Variants in FHAD1 observed in about 807,000 individuals in gnomAD.
FHAD1 encodes forkhead-associated domain-containing protein 1.
In FHAD1, 146 loss-of-function variants were observed where a neutral mutation model predicts 191.3. That is an observed-to-expected ratio of 0.76 (90% CI 0.67 to 0.88). FHAD1 has a LOEUF of 0.88. FHAD1 is among the 40% of genes least tolerant of loss of function. The pLI, the probability that FHAD1 is intolerant of heterozygous loss-of-function variation, is 0.00. For missense variants in FHAD1, 1,635 were observed against 1,785.8 expected, an observed-to-expected ratio of 0.92 and a Z score of 1.52; for synonymous variants, 616 against 672.3, an observed-to-expected ratio of 0.92 and a Z score of 1.29.
Position 15,369,438 on chromosome 1 carries a change from A to C in FHAD1, c.3383A>C (p.Gln1128Pro), listed in dbSNP as rs1456563037. 1 of 1,551,886 alleles carries C rather than the reference A, an allele frequency of 6.4e-7. No homozygotes were observed. The highest frequency in any genetic ancestry group is 2.0e-5 in the Admixed American group (1 of 51,006). The change falls in exon 26 of 34, where the codon CAG becomes CCG. Residue 1128 changes from glutamine (Q) to proline (P), a missense_variant. Transcript: ENST00000688493. ...EKEQKPRKKT[Q>P]TCDTSVQIEP... ...GAACAGAAGCCCCGGAAGAAGACCC[A>C]GACGTGTGACACCTCTGTGCAGATA...
chr1:15,246,002 G>A (rs1217873693), upstream of FHAD1, among the ~76,000 whole-genome samples: 1 of 152,164 alleles, frequency 6.6e-6, no homozygotes, highest in Non-Finnish European at 1.5e-5. Flanking sequence ...GTAATTCCTT[G>A]AGACTGAATA....
chr1:15,383,907 C>A (rs1368690231), intron 31 of FHAD1: 1 of 440,520 alleles, frequency 2.3e-6, no homozygotes, highest in South Asian at 1.6e-5. Flanking sequence ...GACCCTGGTT[C>A]TCCTGCTGTC....
intron 23 of FHAD1, 56 bp downstream of exon 23, chr1:15,362,782 G>A: frequency 7.3e-7 from 1 of 1,378,708 alleles, no homozygotes; most frequent in Admixed American, 2.0e-5. Context: ...CACCTGGGTG[G>A]GGGCAAACAG....
In FHAD1 at chr1:15,329,691, C is replaced by T. The variant is rs986582668; in HGVS notation, c.1906+150C>T. ...GAACCCCCTGCTTCTCTGCTTGAGG[C>T]GTAATTTTCCATTAAAAAAAAAAAC... On this transcript the variant is annotated intron_variant, in intron 14 of 33. Transcript: ENST00000688493. The surrounding 1 kb of genome is among the most constrained non-coding windows in gnomAD (Gnocchi z 5.0). The T allele has an allele frequency of 7.2e-6, 4 of 557,922 alleles. No individual in the cohort carries two copies. The highest frequency in any genetic ancestry group is 7.0e-5 in the South Asian group (2 of 28,508). The allele number at this position is 557,922 out of a possible 1,614,324, so 34.6% of individuals were successfully genotyped here.
At chr1:15,326,916 G>A (rs1558119961) in intron 11 of FHAD1, 143 bp from the exon 12 acceptor site, 1 of 602,976 alleles carries the variant, frequency 1.7e-6, no homozygotes, top group African/African-American at 1.9e-5. Flanking sequence ...CCCGTGAGCG[G>A]TGAAGATTCT....
rs1672209314 is a variant in FHAD1 at position 15,311,323 on chromosome 1, A to G, written c.1040-1734A>G. ...AGAGTCAGGTGTGATGAGCACGTGC[A>G]TGTGGGCAGGGAAGGAACCACCCAG... is the stretch of plus-strand genomic sequence containing the variant. On this transcript the variant is annotated intron_variant, in intron 7 of 33. Coordinates refer to ENST00000688493, the MANE Select transcript of FHAD1 (RefSeq NM_001391957.1). The surrounding 1 kb of genome is among the most constrained non-coding windows in gnomAD (Gnocchi z 4.1). Among the ~76,000 whole-genome samples the G allele has an allele frequency of 6.6e-6, 1 of 152,170 alleles. No individual in the cohort carries two copies. Among genetic ancestry groups the G allele is most frequent in the South Asian group, 2.1e-4 (1 of 4,826 alleles).
At chr1:15,365,706 A>C in intron 23 of FHAD1, 121 bp from the exon 24 acceptor site, 1 of 603,268 alleles carries the variant, frequency 1.7e-6, no homozygotes, top group Non-Finnish European at 3.0e-6. Flanking sequence ...CTTTGCTGGG[A>C]CTGGCGTTGC....
intron 33 of FHAD1, among the ~76,000 whole-genome samples, chr1:15,396,470 A>G (rs1019550704): frequency 1.3e-4 from 20 of 152,188 alleles, no homozygotes; most frequent in African/African-American, 4.1e-4. Context: ...CTGTGTGTGT[A>G]TATATATATT....
chr1:15,365,326 C>T (rs1696057099), intron 23 of FHAD1, among the ~76,000 whole-genome samples: 1 of 151,796 alleles, frequency 6.6e-6, no homozygotes, highest in Non-Finnish European at 1.5e-5. Context: ...AGTGGATTTT[C>T]TTTTTTCTTT....
intron 15 of FHAD1, 23 bp from the exon 16 acceptor site, chr1:15,341,713 G>T: frequency 1.3e-6 from 2 of 1,540,510 alleles, no homozygotes; most frequent in South Asian, 2.4e-5. Context: ...CATCAGCATC[G>T]GTTTACTTTT....
intron 1 of FHAD1, among the ~76,000 whole-genome samples, chr1:15,241,509 G>C (rs1352846575): frequency 6.6e-6 from 1 of 152,106 alleles, no homozygotes; most frequent in Admixed American, 6.5e-5. Flanking sequence ...AATTAGCTGG[G>C]CATGGTAGCA....
At chr1:15,293,792 A>G (rs1472201027) in intron 4 of FHAD1, among the ~76,000 whole-genome samples, 1 of 152,192 alleles carries the variant, frequency 6.6e-6, no homozygotes, top group African/African-American at 2.4e-5. Flanking sequence ...TGGATGTATC[A>G]CAGATTTCTT....
intron 2 of FHAD1, among the ~76,000 whole-genome samples, chr1:15,252,172 C>T (rs185385611): frequency 3.7e-4 from 56 of 152,224 alleles, no homozygotes; most frequent in Non-Finnish European, 7.1e-4. Flanking sequence ...GGGCTTATCC[C>T]GAGAGGGTTC....
At chr1:15,367,402 A>G (rs1399050150) in intron 24 of FHAD1, 61 bp from the exon 25 acceptor site, 7 of 1,518,844 alleles carry the variant, frequency 4.6e-6, no homozygotes, top group Non-Finnish European at 4.4e-6. Context: ...AGGCTGAGGC[A>G]GGAGAATCAC....
rs989994493 is a variant in FHAD1 at position 15,301,120 on chromosome 1, G to A, written c.679-85G>A. ...GCTAGGATTACAGGCGTGAGCCACCGCACCCGGCCCCTACTTTTTTTTAAT... is the reference window on the plus strand; with the variant it reads ...GCTAGGATTACAGGCGTGAGCCACCACACCCGGCCCCTACTTTTTTTTAAT... On this transcript the variant is annotated intron_variant, in intron 5 of 33. Coordinates refer to ENST00000688493, the MANE Select transcript of FHAD1 (RefSeq NM_001391957.1). 44 of 1,216,836 alleles carry A rather than the reference G, an allele frequency of 3.6e-5. No homozygotes were observed. The Middle Eastern group carries it at 1.8e-3, about 49-fold the overall frequency. The allele number at this position is 1,216,836 out of a possible 1,614,324, so 75.4% of individuals were successfully genotyped here. A position where few individuals can be genotyped will look rare whatever the true frequency, so the allele number is the denominator to read the frequency against.
intron 4 of FHAD1, among the ~76,000 whole-genome samples, chr1:15,293,322 T>C (rs1225217657): frequency 1.3e-5 from 2 of 152,238 alleles, no homozygotes; most frequent in Non-Finnish European, 2.9e-5. Context: ...ACTCCTGTTC[T>C]AGATTCTCAA....
intron 18 of FHAD1, among the ~76,000 whole-genome samples, chr1:15,346,005 C>T (rs1426489098): frequency 2.6e-5 from 4 of 152,172 alleles, no homozygotes; most frequent in Non-Finnish European, 5.9e-5. Flanking sequence ...TTGTGTCAAA[C>T]TCTTACGCCC....
chr1:15,252,112 A>G (rs2100789972), intron 2 of FHAD1, among the ~76,000 whole-genome samples: 1 of 152,252 alleles, frequency 6.6e-6, no homozygotes, highest in Middle Eastern at 3.4e-3. Flanking sequence ...CCTTTGCTGA[A>G]CGCATCTGTC....
chr1:15,284,464 GCGAGAC>G (rs1661681041), intron 3 of FHAD1, among the ~76,000 whole-genome samples: 1 of 134,206 alleles, frequency 7.5e-6, no homozygotes, highest in South Asian at 2.5e-4. Context: ...GGGCGACAGA[GCGAGAC>G]TCCATCTCAA....
Sources: gnomAD v4.1 joint callset for allele counts (sites outside exome capture counted in the v4.1 genomes callset) on GRCh38, gnomAD v4.1.1 for gene constraint, Gnocchi (gnomAD v3.1) non-coding constraint, MANE v1.5 for transcripts, NCBI Gene and HGNC (gene_info 2026-07-23, HGNC 2026-07-21) for gene names.